CTNNA2: variants seen among roughly 807,000 people sequenced by gnomAD.
CTNNA2 encodes the protein catenin alpha-2.
Under a neutral mutation model 101.0 loss-of-function variants are expected in CTNNA2, and 42 were observed. That is an observed-to-expected ratio of 0.42 (90% confidence interval 0.32 to 0.54). CTNNA2 has a LOEUF of 0.54. Among genes scored for constraint, CTNNA2 ranks in the 20% least tolerant of loss-of-function variants. The probability of loss-of-function intolerance (pLI) is 0.14; values close to 1 mark genes in which losing one functional copy is unlikely to be tolerated. For synonymous variants in CTNNA2, 450 were observed against 456.4 expected, an observed-to-expected ratio of 0.99 and a Z score of 0.18; for missense variants, 871 against 1,223.1, an observed-to-expected ratio of 0.71 and a Z score of 4.29.
intron 4 of CTNNA2, among the ~76,000 whole-genome samples, chr2:79,488,148 C>T (rs1158710690): frequency 6.6e-6 from 1 of 151,792 alleles, no homozygotes; most frequent in African/African-American, 2.4e-5. Flanking sequence ...GAGAAACCCC[C>T]GTCTCTACTA....
chr2:80,114,229 C>T (rs1701385120), intron 7 of CTNNA2, among the ~76,000 whole-genome samples: 1 of 152,118 alleles, frequency 6.6e-6, no homozygotes, highest in South Asian at 2.1e-4. Context: ...CTCAGATATA[C>T]CCTCTTTTAT....
At chr2:79,748,636 C>G (rs927354155) in intron 3 of CTNNA2, among the ~76,000 whole-genome samples, 6 of 151,956 alleles carry the variant, frequency 3.9e-5, no homozygotes, top group African/African-American at 1.5e-4. Context: ...TCACAACATT[C>G]ATTATAATTA....
intron 15 of CTNNA2, among the ~76,000 whole-genome samples, chr2:80,594,281 A>G (rs1696759294): frequency 6.6e-6 from 1 of 152,070 alleles, no homozygotes; most frequent in Non-Finnish European, 1.5e-5. Context: ...TTGGCATTGT[A>G]TATCTCCTTT....
intron 2 of CTNNA2, among the ~76,000 whole-genome samples, chr2:79,696,517 C>T: frequency 6.6e-6 from 1 of 151,976 alleles, no homozygotes; most frequent in East Asian, 1.9e-4. Context: ...ACATAATGGC[C>T]CAAGAGGCAG....
At chr2:79,961,006 A>C (rs1689588365) in intron 7 of CTNNA2, among the ~76,000 whole-genome samples, 1 of 152,238 alleles carries the variant, frequency 6.6e-6, no homozygotes, top group South Asian at 2.1e-4. Context: ...AATCAACACC[A>C]TGCCTTTTTA....
chr2:80,403,422 A>C (rs989492860), intron 8 of CTNNA2, among the ~76,000 whole-genome samples: 1 of 152,180 alleles, frequency 6.6e-6, no homozygotes, highest in African/African-American at 2.4e-5. Context: ...TCGAAGACCT[A>C]TTTGAATTGT....
intron 6 of CTNNA2, among the ~76,000 whole-genome samples, chr2:79,903,909 G>A (rs1685238410): frequency 6.6e-6 from 1 of 152,186 alleles, no homozygotes; most frequent in Non-Finnish European, 1.5e-5. Context: ...TACAGGTGCA[G>A]CAGATGGAGA....
intron 2 of CTNNA2, among the ~76,000 whole-genome samples, chr2:79,274,602 T>G (rs1675166505): frequency 6.6e-6 from 1 of 152,102 alleles, no homozygotes; most frequent in Admixed American, 6.6e-5. Flanking sequence ...TATGTATAAT[T>G]ATTTTTGATA....
chr2:79,473,214 G>A (rs77282570), intron 4 of CTNNA2, among the ~76,000 whole-genome samples: 2,443 of 152,068 alleles, frequency 0.016, 36 homozygotes, highest in Non-Finnish European at 0.022. Flanking sequence ...TAAGCTTCTA[G>A]CATGCACCCG....
intron 6 of CTNNA2, among the ~76,000 whole-genome samples, chr2:79,884,802 G>T (rs975758613): frequency 1.1e-4 from 16 of 143,566 alleles, no homozygotes; most frequent in African/African-American, 4.2e-4. Context: ...TTTCCGATCT[G>T]GTATTCAGTG....
intron 7 of CTNNA2, among the ~76,000 whole-genome samples, chr2:79,983,910 C>T (rs941720392): frequency 6.6e-6 from 1 of 151,992 alleles, no homozygotes; most frequent in African/African-American, 2.4e-5. Context: ...AAAATATAAT[C>T]CAAATTGCAC....
chr2:80,198,857 T>C (rs1172888743), intron 7 of CTNNA2, among the ~76,000 whole-genome samples: 9 of 152,116 alleles, frequency 5.9e-5, no homozygotes, highest in Non-Finnish European at 1.0e-4. Context: ...TTTGTTTTGT[T>C]TCCTTAAATG....
chr2:79,708,685 C>CAAAT (rs10640626), intron 2 of CTNNA2, among the ~76,000 whole-genome samples: 49,843 of 151,766 alleles, frequency 0.33, 9,792 homozygotes, highest in East Asian at 0.6. Flanking sequence ...TAGGAGAACT[C>CAAAT]AATAAGAAAA....
intron 4 of CTNNA2, among the ~76,000 whole-genome samples, chr2:79,442,082 A>G (rs1046966553): frequency 6.6e-6 from 1 of 152,124 alleles, no homozygotes; most frequent in Non-Finnish European, 1.5e-5. Context: ...ACAATCTGTA[A>G]TTGTTTTAAG....
intron 2 of CTNNA2, among the ~76,000 whole-genome samples, chr2:79,743,695 A>G (rs6750061): frequency 0.38 from 58,213 of 151,540 alleles, 12,512 homozygotes; most frequent in African/African-American, 0.59. Flanking sequence ...CACCAGGCCC[A>G]GCTAATTTTT....
chr2:79,919,317 C>T (rs553583943), intron 7 of CTNNA2, among the ~76,000 whole-genome samples: 1 of 152,230 alleles, frequency 6.6e-6, no homozygotes, highest in South Asian at 2.1e-4. Context: ...GAAAATCTGC[C>T]AAATGAAAGA....
chr2:79,830,698 G>A lies in CTNNA2; in HGVS notation c.299-27315G>A, dbSNP rs375629328. Among the ~76,000 whole-genome samples the A allele has an allele frequency of 1.2e-4, 19 of 152,274 alleles. 1 individual carries two copies. Among genetic ancestry groups the A allele is most frequent in the South Asian group, 2.1e-4 (1 of 4,830 alleles). On this transcript the variant is annotated intron_variant, in intron 3 of 18. Coordinates refer to ENST00000402739, the MANE Select transcript of CTNNA2 (RefSeq NM_001282597.3). ...TAGCAGCAGGAAGGAGAAAGCTGGA[G>A]CTCCCGGCATCCGTTCAAAATGACA...
At chr2:79,331,571 G>A (rs535295921) in intron 3 of CTNNA2, among the ~76,000 whole-genome samples, 120 of 152,070 alleles carry the variant, frequency 7.9e-4, no homozygotes, top group African/African-American at 2.4e-3. Flanking sequence ...TCTCTTACAC[G>A]GACCCAGATC....
At chr2:79,686,569 G>A (rs906428441) in intron 2 of CTNNA2, among the ~76,000 whole-genome samples, 3 of 152,022 alleles carry the variant, frequency 2.0e-5, no homozygotes, top group African/African-American at 7.2e-5. Context: ...TCATTCTACA[G>A]TGACATAAAA....
Sources: gnomAD v4.1 joint callset for allele counts (sites outside exome capture counted in the v4.1 genomes callset) on GRCh38, gnomAD v4.1.1 for gene constraint, MANE v1.5 for transcripts, NCBI Gene and HGNC (gene_info 2026-07-23, HGNC 2026-07-21) for gene names.